The following MARCHF8 variants were observed in gnomAD, a reference collection of about 807,000 sequenced individuals.
The protein encoded by MARCHF8 is E3 ubiquitin-protein ligase MARCHF8.
MARCHF8 carries 40 observed loss-of-function variants against 51.6 expected under a neutral mutation model. The observed-to-expected ratio is 0.77, with a 90% CI of 0.60 to 1.01. The LOEUF is 1.01. Ranked by LOEUF, MARCHF8 falls within the 50% of genes least tolerant of loss-of-function variation. The pLI, the probability that MARCHF8 is intolerant of heterozygous loss-of-function variation, is 0.00. For synonymous variants in MARCHF8, 263 were observed against 280.3 expected, an observed-to-expected ratio of 0.94 and a Z score of 0.62; for missense variants, 685 against 708.6, an observed-to-expected ratio of 0.97 and a Z score of 0.38.
At chr10:45,464,060 T>C (rs1842886677) in intron 4 of MARCHF8, 64 bp from the exon 5 acceptor site, 1 of 1,501,052 alleles carries the variant, frequency 6.7e-7, no homozygotes, top group Non-Finnish European at 8.9e-7. Context: ...AGAATAGACA[T>C]CATAGTGAAG....
At chr10:45,513,232 T>A (rs879828919) in intron 2 of MARCHF8, among the ~76,000 whole-genome samples, 118 of 151,426 alleles carry the variant, frequency 7.8e-4, no homozygotes, top group African/African-American at 1.8e-3. Context: ...TAAAAAAAAA[T>A]AAATAAAATA....
intron 1 of MARCHF8, among the ~76,000 whole-genome samples, chr10:45,534,174 C>T (rs545557695): frequency 1.9e-4 from 29 of 151,234 alleles, no homozygotes; most frequent in African/African-American, 6.6e-4. Flanking sequence ...CACAGCGAGA[C>T]TCCAACCCCC....
chr10:45,549,007 A>G (rs539561428), intron 1 of MARCHF8, among the ~76,000 whole-genome samples: 2 of 151,922 alleles, frequency 1.3e-5, no homozygotes, highest in Non-Finnish European at 2.9e-5. Context: ...AAAAAAAAAA[A>G]AAAGAAAGAA....
At chr10:45,459,666 G>A in intron 6 of MARCHF8, 1 of 971,650 alleles carries the variant, frequency 1.0e-6, no homozygotes, top group Non-Finnish European at 1.2e-6. Context: ...CGGAAGAAGA[G>A]GGTTGATGAT....
At chr10:45,470,767 T>C (rs545831770) in intron 3 of MARCHF8, among the ~76,000 whole-genome samples, 1 of 152,312 alleles carries the variant, frequency 6.6e-6, no homozygotes, top group East Asian at 1.9e-4. Flanking sequence ...AGGCCTGACT[T>C]CATACCACAG....
At chr10:45,553,941 AC>A (rs2044224566) in intron 1 of MARCHF8, among the ~76,000 whole-genome samples, 1 of 152,246 alleles carries the variant, frequency 6.6e-6, no homozygotes, top group African/African-American at 2.4e-5. Flanking sequence ...CTTGTTTTAC[AC>A]ATTTAGCTCT....
At chr10:45,554,545 C>T (rs2044230705) in intron 1 of MARCHF8, among the ~76,000 whole-genome samples, 1 of 152,068 alleles carries the variant, frequency 6.6e-6, no homozygotes, top group South Asian at 2.1e-4. Context: ...TCTTGTCACA[C>T]AAGAAAGCAA....
chr10:45,508,671 C>T (rs1178121970), intron 2 of MARCHF8, among the ~76,000 whole-genome samples: 1 of 152,136 alleles, frequency 6.6e-6, no homozygotes, highest in Non-Finnish European at 1.5e-5. Context: ...GATCTTTTCA[C>T]TTGATATTCT....
At chr10:45,546,781 CAA>C (rs35226792) in intron 1 of MARCHF8, among the ~76,000 whole-genome samples, 8 of 112,550 alleles carry the variant, frequency 7.1e-5, no homozygotes, top group African/African-American at 6.9e-5. Flanking sequence ...GAACCTGTCT[CAA>C]AAAAAAAAAA....
intron 1 of MARCHF8, among the ~76,000 whole-genome samples, chr10:45,581,046 A>C (rs2044549994): frequency 6.6e-6 from 1 of 152,064 alleles, no homozygotes; most frequent in African/African-American, 2.4e-5. Flanking sequence ...AACACGGAGA[A>C]ACCAGACAAG....
chr10:45,576,595 G>C (rs1331492735), intron 1 of MARCHF8, among the ~76,000 whole-genome samples: 1 of 151,938 alleles, frequency 6.6e-6, no homozygotes, highest in Non-Finnish European at 1.5e-5. Context: ...GATGTTGCTA[G>C]GGTATGAACG....
At chr10:45,486,937 G>A (rs1030813372) in intron 3 of MARCHF8, among the ~76,000 whole-genome samples, 2 of 149,912 alleles carry the variant, frequency 1.3e-5, no homozygotes, top group Non-Finnish European at 3.0e-5. Context: ...AGCCTCCCAA[G>A]CAGCTGGGAC....
intron 2 of MARCHF8, among the ~76,000 whole-genome samples, chr10:45,492,941 T>A (rs1462975369): frequency 2.6e-5 from 4 of 152,192 alleles, no homozygotes; most frequent in Non-Finnish European, 5.9e-5. Flanking sequence ...ATCTGAAAGG[T>A]GACAATGAGC....
chr10:45,527,200 G>A (rs2043807973), intron 2 of MARCHF8, among the ~76,000 whole-genome samples: 1 of 151,926 alleles, frequency 6.6e-6, no homozygotes, highest in Non-Finnish European at 1.5e-5. Context: ...AAGACCACAA[G>A]TTAACCTGAC....
At chr10:45,526,193 C>A (rs757763466) in intron 2 of MARCHF8, among the ~76,000 whole-genome samples, 10 of 152,008 alleles carry the variant, frequency 6.6e-5, no homozygotes, top group Non-Finnish European at 1.3e-4. Context: ...TAGATATTCA[C>A]CCTTCAAATA....
intron 1 of MARCHF8, among the ~76,000 whole-genome samples, chr10:45,533,947 G>A (rs2043931833): frequency 6.6e-6 from 1 of 152,202 alleles, no homozygotes; most frequent in South Asian, 2.1e-4. Flanking sequence ...ACTTTGGGAG[G>A]CCAAGGCGGG....
Position 45,511,168 on chromosome 10 carries a change from GAAGT to G in MARCHF8, c.103-21755_103-21752del, listed in dbSNP as rs558539761. Among the ~76,000 whole-genome samples the G allele has an allele frequency of 4.4e-3, 670 of 152,232 alleles. 4 individuals carry two copies. Among genetic ancestry groups the G allele is most frequent in the African/African-American group, 0.015 (639 of 41,526 alleles). On this transcript the variant is annotated intron_variant, in intron 2 of 7. Transcript: ENST00000453424. ...TTTTTCATTTTCATTTTCTGAATAT[GAAGT>G]AAGGGTTTGCTAAAAACAAAGGTCT...
chr10:45,589,065 G>A (rs1036791997), intron 1 of MARCHF8, among the ~76,000 whole-genome samples: 1 of 144,234 alleles, frequency 6.9e-6, no homozygotes, highest in East Asian at 2.0e-4. Context: ...TAGTTTTCCA[G>A]AAAACTAAAA....
intron 1 of MARCHF8, among the ~76,000 whole-genome samples, chr10:45,574,903 C>T (rs2133402425): frequency 6.6e-6 from 1 of 151,844 alleles, no homozygotes; most frequent in Admixed American, 6.6e-5. Flanking sequence ...AAGGACTACA[C>T]ATCAATATTT....
Sources: allele counts gnomAD v4.1 joint callset (sites outside exome capture counted in the v4.1 genomes callset), GRCh38; gene constraint gnomAD v4.1.1; transcripts MANE v1.5; gene names NCBI Gene and HGNC (gene_info 2026-07-23, HGNC 2026-07-21).